ERCC4: variants seen among roughly 807,000 people sequenced by gnomAD.
ERCC4 encodes DNA repair endonuclease XPF.
Under a neutral mutation model 76.9 loss-of-function variants are expected in ERCC4, and 65 were observed. That is an observed-to-expected ratio of 0.84 (90% CI 0.69 to 1.04). The LOEUF is 1.04. Among genes scored for constraint, ERCC4 ranks in the 50% least tolerant of loss-of-function variants. The pLI, the probability that ERCC4 is intolerant of heterozygous loss-of-function variation, is 0.00. For synonymous variants in ERCC4, 463 were observed against 410.1 expected, an observed-to-expected ratio of 1.13 and a Z score of -1.56; for missense variants, 1,214 against 1,128.2, an observed-to-expected ratio of 1.08 and a Z score of -1.09.
intron 8 of ERCC4, 108 bp downstream of exon 8, chr16:13,935,851 T>A (rs561946227): frequency 1.1e-6 from 1 of 889,422 alleles, no homozygotes; most frequent in African/African-American, 1.6e-5. Flanking sequence ...ACGATGCTGC[T>A]TATGTTTATG....
chr16:13,948,058 C>G lies in ERCC4; in HGVS notation c.2462C>G (p.Pro821Arg). 6.2e-7 allele frequency: 1 copy of G among 1,614,152 alleles called. No individual in the cohort carries two copies. The highest frequency in any genetic ancestry group is 1.1e-5 in the South Asian group (1 of 91,078). Residue 821 changes from proline to arginine, a missense_variant, in exon 11 of 11, where the codon CCA (proline) becomes CGA (arginine). By Grantham distance (103) the Pro-to-Arg change is moderately radical (BLOSUM62 -2). Transcript: ENST00000311895. ...TTTGAGGAGCTGAAACAAAGCAAGC[C>G]ACAGCCTGATGCGGCGACAGCACTG... ...ELFEELKQSKPQPDAATALAI... is the reference protein window; with the variant it reads ...ELFEELKQSKRQPDAATALAI...
intron 9 of ERCC4, 117 bp from the exon 10 acceptor site, chr16:13,944,606 T>A: frequency 1.4e-6 from 1 of 731,274 alleles, no homozygotes; most frequent in Non-Finnish European, 2.5e-6. Context: ...TTTTTGTTTT[T>A]GTTTTTCTCT....
chr16:13,929,627 G>T (rs1257894332), intron 4 of ERCC4, among the ~76,000 whole-genome samples: 2 of 152,200 alleles, frequency 1.3e-5, no homozygotes, highest in Admixed American at 6.5e-5. Context: ...CCTACATAGT[G>T]TATACATAAA....
At position 13,937,784 on chromosome 16, in the gene ERCC4, C is replaced by G; in HGVS notation, c.1830C>G (p.Tyr610Ter). 1 of 1,611,818 alleles carries G rather than the reference C, an allele frequency of 6.2e-7. No homozygotes were observed. Residue 610 changes from tyrosine to a stop codon, truncating the protein, a stop_gained, in exon 9 of 11, where the codon TAC becomes TAG. Coordinates refer to ENST00000311895, the MANE Select transcript of ERCC4 (RefSeq NM_005236.3). LOFTEE classifies it high-confidence loss of function. ...CATGCAGGGTTTACTTTCTTATATACGGAGGTTCAACTGAGGAACAACGCT... is the reference window on the plus strand; with the variant it reads ...CATGCAGGGTTTACTTTCTTATATAGGGAGGTTCAACTGAGGAACAACGCT... ...GKPLRVYFLI[Y>*]GGSTEEQRYL...
rs1800124 is a variant in ERCC4 at position 13,948,220 on chromosome 16, A to G, written c.2624A>G (p.Glu875Gly). Residue 875 changes from glutamate (E) to glycine (G), a missense_variant, in exon 11 of 11, where the codon GAA (glutamate) becomes GGA (glycine). Transcript: ENST00000311895. ...SLMHHVKNIA[E>G]LAALSQDELT... ...ATGCACCACGTTAAGAACATCGCAGAATTAGCAGCCCTGTCACAAGACGAG... is the reference window on the plus strand; with the variant it reads ...ATGCACCACGTTAAGAACATCGCAGGATTAGCAGCCCTGTCACAAGACGAG... 0.015 allele frequency: 24,709 copies of G among 1,614,176 alleles called. 255 individuals are homozygous for G. Among genetic ancestry groups the G allele is most frequent in the Non-Finnish European group, 0.018 (20,663 of 1,180,028 alleles).
At position 13,932,522 on chromosome 16, in the gene ERCC4, C is replaced by G. The variant is rs3136123; in HGVS notation, c.1102+237C>G. The G allele has an allele frequency of 0.01, 5,984 of 574,798 alleles. 265 individuals carry two copies. The highest frequency in any genetic ancestry group is 0.1 in the African/African-American group (5,300 of 53,110). The allele number at this position is 574,798 out of a possible 1,614,324, so 35.6% of individuals were successfully genotyped here. On this transcript the variant is annotated intron_variant, in intron 6 of 10. Transcript: ENST00000311895. Reference sequence around the variant, plus strand: ...AAGTCTTGCAGTCTATTGCCCAGGGCTTCCAAATAACAGATGTCAAATATT... The same window carrying G: ...AAGTCTTGCAGTCTATTGCCCAGGGGTTCCAAATAACAGATGTCAAATATT...
At chr16:13,943,069 T>A (rs1567251477) in intron 9 of ERCC4, among the ~76,000 whole-genome samples, 1 of 152,224 alleles carries the variant, frequency 6.6e-6, no homozygotes, top group South Asian at 2.1e-4. Context: ...TGTGATCTAC[T>A]TATAAAATTT....
chr16:13,945,944 T>C (rs1367324556), intron 10 of ERCC4, among the ~76,000 whole-genome samples: 4 of 152,238 alleles, frequency 2.6e-5, no homozygotes, highest in African/African-American at 9.6e-5. Flanking sequence ...CACATTTTAT[T>C]ATGTTACAGT....
At position 13,922,117 on chromosome 16, in the gene ERCC4, T is replaced by C. The variant is rs1207727377; in HGVS notation, c.294T>C (p.Tyr98=). The part of the protein sequence containing the change: ...VTNEITSNSR[Y]EVYTQGGVIF... ...ATGAAATCACAAGCAACAGTCGCTA[T>C]GAAGTTTACACACAAGGTGGTGTTA... Residue 98 remains tyrosine, a synonymous_variant, in exon 2 of 11, where the codon TAT becomes TAC. Transcript: ENST00000311895. The C allele has an allele frequency of 6.2e-7, 1 of 1,613,664 alleles. No individual in the cohort carries two copies. The highest frequency in any genetic ancestry group is 8.5e-7 in the Non-Finnish European group (1 of 1,179,656).
chr16:13,923,254 A>G (rs536531115), intron 2 of ERCC4, among the ~76,000 whole-genome samples: 44 of 152,290 alleles, frequency 2.9e-4, no homozygotes, highest in Admixed American at 1.6e-3. Flanking sequence ...GTGTTTGTCT[A>G]TCTCACTCAC....
chr16:13,935,480 A>G lies in ERCC4; in HGVS notation c.1548A>G (p.Arg516=), dbSNP rs773866713. 4 of 1,614,228 alleles carry G rather than the reference A, an allele frequency of 2.5e-6. No homozygotes were observed. The highest frequency in any genetic ancestry group is 3.4e-6 in the Non-Finnish European group (4 of 1,180,050). The stretch of plus-strand genomic sequence containing the variant: ...GAGATGTCGAGGAAGGATATCGTCG[A>G]GAAATAAGCAGTAGCCCAGAAAGCT... The part of the protein sequence containing the change: ...EEGDVEEGYR[R]EISSSPESCP... Residue 516 remains arginine, a synonymous_variant, in exon 8 of 11, where the codon CGA becomes CGG. Transcript: ENST00000311895.
chr16:13,942,475 C>G (rs1419611786), intron 9 of ERCC4, among the ~76,000 whole-genome samples: 3 of 152,078 alleles, frequency 2.0e-5, no homozygotes, highest in Admixed American at 2.0e-4. Context: ...AAGAGATTAC[C>G]ACGTTATAAG....
chr16:13,938,953 C>T (rs1183781526), intron 9 of ERCC4, among the ~76,000 whole-genome samples: 1 of 152,216 alleles, frequency 6.6e-6, no homozygotes, highest in Non-Finnish European at 1.5e-5. Context: ...CCTCTTTTCC[C>T]TTCACATCCT....
Position 13,920,270 on chromosome 16 carries a change from C to G in ERCC4, c.105C>G (p.Cys35Trp). Residue 35 changes from cysteine (C) to tryptophan (W), a missense_variant, in exon 1 of 11, where the codon TGC becomes TGG. Transcript: ENST00000311895. ...ELLDTDGLVVCARGLGADRLL... is the reference protein window; with the variant it reads ...ELLDTDGLVVWARGLGADRLL... ...TCGACACTGACGGGCTAGTAGTGTG[C>G]GCCCGCGGGCTCGGCGCGGACCGGC... 6.2e-7 allele frequency: 1 copy of G among 1,606,506 alleles called. No individual in the cohort carries two copies. Among genetic ancestry groups the G allele is most frequent in the Non-Finnish European group, 8.5e-7 (1 of 1,179,840 alleles).
intron 5 of ERCC4, 55 bp from the exon 6 acceptor site, chr16:13,932,102 T>C: frequency 6.8e-7 from 1 of 1,480,382 alleles, no homozygotes; most frequent in Non-Finnish European, 9.4e-7. Flanking sequence ...CATCAGAGAC[T>C]GTTTTAAATT....
Position 13,937,824 on chromosome 16 carries a change from C to T in ERCC4, c.1870C>T (p.Arg624Trp), listed in dbSNP as rs766395322. The change falls in exon 9 of 11, where the codon CGG becomes TGG. Residue 624 changes from arginine to tryptophan, a missense_variant. Transcript: ENST00000311895. ...GGAACAACGCTATCTCACTGCTTTG[C>T]GGAAAGAAAAGGAAGCTTTTGAAAA... ...TEEQRYLTALRKEKEAFEKLI... is the reference protein window; with the variant it reads ...TEEQRYLTALWKEKEAFEKLI... The T allele has an allele frequency of 9.9e-6, 16 of 1,612,856 alleles. No individual in the cohort carries two copies. Among genetic ancestry groups the T allele is most frequent in the South Asian group, 3.3e-5 (3 of 91,066 alleles).
Position 13,948,320 on chromosome 16 carries a change from C to T in ERCC4, c.2724C>T (p.Val908=), listed in dbSNP as rs3136225. The change falls in exon 11 of 11, where the codon GTC becomes GTT. Residue 908 remains valine, a synonymous_variant. Coordinates refer to ENST00000311895, the MANE Select transcript of ERCC4 (RefSeq NM_005236.3). ...TCATTCACACCTCTTTTGCAGAAGT[C>T]GTATCAAAAGGAAAAGGGAAAAAGT... ...YDFIHTSFAE[V]VSKGKGKK 3.7e-3 allele frequency: 5,937 copies of T among 1,612,764 alleles called. 17 individuals are homozygous for T. Among genetic ancestry groups the T allele is most frequent in the Non-Finnish European group, 4.3e-3 (5,124 of 1,179,988 alleles).
intron 6 of ERCC4, chr16:13,933,045 CAAAAAAAAA>C (rs11337706): frequency 3.2e-5 from 7 of 215,816 alleles, no homozygotes; most frequent in Admixed American, 1.4e-4. Context: ...GACTCGGTCT[CAAAAAAAAA>C]AAAAAAAAAA....
chr16:13,940,542 T>TG (rs1040745643), intron 9 of ERCC4, among the ~76,000 whole-genome samples: 6 of 152,164 alleles, frequency 3.9e-5, no homozygotes, highest in African/African-American at 1.4e-4. Context: ...TGACCACACA[T>TG]GCAAAGTGTT....
Sources: allele counts gnomAD v4.1 joint callset (sites outside exome capture counted in the v4.1 genomes callset), GRCh38; gene constraint gnomAD v4.1.1; transcripts MANE v1.5; gene names NCBI Gene and HGNC (gene_info 2026-07-23, HGNC 2026-07-21).